The following RNF220 variants were observed in gnomAD, a reference collection of about 807,000 sequenced individuals.
The protein encoded by RNF220 is ring finger protein 220.
Under a neutral mutation model 67.1 loss-of-function variants are expected in RNF220, and 7 were observed. The ratio of observed to expected loss-of-function variants is 0.10; its 90% CI spans 0.06 to 0.20. RNF220 has a LOEUF of 0.20. Among genes scored for constraint, RNF220 ranks in the 10% least tolerant of loss-of-function variants. The pLI is 1.00. For missense variants in RNF220, 565 were observed against 740.3 expected (o/e 0.76, Z 2.75); for synonymous variants, 270 against 283.2 (o/e 0.95, Z 0.47).
Position 44,548,486 on chromosome 1 carries a change from ATTC to A in RNF220, c.626-65673_626-65671del, listed in dbSNP as rs376047290. Among the ~76,000 whole-genome samples the A allele has an allele frequency of 1.9e-3, 290 of 151,412 alleles. 1 individual carries two copies. Among genetic ancestry groups the A allele is most frequent in the African/African-American group, 6.8e-3 (279 of 41,244 alleles). On this transcript the variant is annotated intron_variant, in intron 2 of 14. Transcript: ENST00000361799. The stretch of plus-strand genomic sequence containing the variant: ...TCATTCAGCCTCTGGTACTCTCCCA[ATTC>A]TTCTTTTCTTTTTTTTTCTTTTTAG...
chr1:44,449,796 T>C (rs950388217), intron 2 of RNF220, among the ~76,000 whole-genome samples: 8 of 152,188 alleles, frequency 5.3e-5, no homozygotes, highest in Admixed American at 5.2e-4. Context: ...AACACATTGC[T>C]AGGTACTGAA....
chr1:44,550,383 A>G (rs544192407), intron 2 of RNF220, among the ~76,000 whole-genome samples: 2 of 152,298 alleles, frequency 1.3e-5, no homozygotes, highest in African/African-American at 2.4e-5. Flanking sequence ...GCTGCACATT[A>G]GCTGGGAAGG....
rs1267318051 is a variant in RNF220 at position 44,624,035 on chromosome 1, T to C, written c.804+1248T>C. On this transcript the variant is annotated intron_variant, in intron 4 of 14. Coordinates refer to ENST00000361799, the MANE Select transcript of RNF220 (RefSeq NM_018150.4). The surrounding 1 kb of genome is among the most constrained non-coding windows in gnomAD (Gnocchi z 4.2). ...TTCAAAGGTATAGGAATGGATCGTG[T>C]ACCTTCGTTTAGAAAACTGCTCACC... Among the ~76,000 whole-genome samples the C allele has an allele frequency of 6.6e-6, 1 of 152,232 alleles. No individual in the cohort carries two copies. The highest frequency in any genetic ancestry group is 1.5e-5 in the Non-Finnish European group (1 of 68,040).
At chr1:44,629,531 A>T (rs2148466227) in intron 5 of RNF220, among the ~76,000 whole-genome samples, 1 of 152,262 alleles carries the variant, frequency 6.6e-6, no homozygotes, top group Non-Finnish European at 1.5e-5. Context: ...GAGTGCTATG[A>T]CAGGAGTATA....
At chr1:44,601,238 A>T (rs1666896328) in intron 2 of RNF220, among the ~76,000 whole-genome samples, 1 of 152,184 alleles carries the variant, frequency 6.6e-6, no homozygotes, top group African/African-American at 2.4e-5. Context: ...AATGGTGGGG[A>T]TGAAACTCAG....
chr1:44,467,887 T>C lies in RNF220; in HGVS notation c.625+55165T>C, dbSNP rs148284617. Among the ~76,000 whole-genome samples the C allele has an allele frequency of 4.1e-3, 621 of 152,226 alleles. 11 individuals carry two copies. In the South Asian group the frequency reaches 0.042, roughly 10 times the overall value. On this transcript the variant is annotated intron_variant, in intron 2 of 14. Coordinates refer to ENST00000361799, the MANE Select transcript of RNF220 (RefSeq NM_018150.4). The stretch of plus-strand genomic sequence containing the variant: ...TGTGGCTCTTTCTTTCACTTGAACA[T>C]TGAGAGGTCCTTGTAGGGTTATTAA...
At chr1:44,572,670 T>G (rs950086305) in intron 2 of RNF220, among the ~76,000 whole-genome samples, 2 of 151,794 alleles carry the variant, frequency 1.3e-5, no homozygotes, top group Non-Finnish European at 2.9e-5. Flanking sequence ...CCCAGGCAGG[T>G]CTTCTCTGGC....
intron 2 of RNF220, among the ~76,000 whole-genome samples, chr1:44,426,781 T>G (rs1649829409): frequency 6.6e-6 from 1 of 151,484 alleles, no homozygotes; most frequent in Non-Finnish European, 1.5e-5. Context: ...TGCGGTAAAC[T>G]TCATTGTGTG....
chr1:44,551,520 G>A (rs986029364), intron 2 of RNF220, among the ~76,000 whole-genome samples: 4 of 152,058 alleles, frequency 2.6e-5, no homozygotes, highest in Non-Finnish European at 5.9e-5. Context: ...TGGGTCAAAA[G>A]GTATAAACTT....
chr1:44,644,795 G>A lies in RNF220; in HGVS notation c.1223+1G>A. ...ACACTCTGGAGTATGGGAAGCCACA[G>A]TATCCTTGGAGCACTATGGGGGCTG... On this transcript the variant is annotated splice_donor_variant, in intron 9 of 14. Coordinates refer to ENST00000361799, the MANE Select transcript of RNF220 (RefSeq NM_018150.4). LOFTEE classifies it high-confidence loss of function. 1 of 1,612,664 alleles carries A rather than the reference G, an allele frequency of 6.2e-7. No homozygotes were observed. The highest frequency in any genetic ancestry group is 8.5e-7 in the Non-Finnish European group (1 of 1,178,630).
Position 44,610,961 on chromosome 1 carries a change from A to G in RNF220, c.626-3204A>G, listed in dbSNP as rs554575408. On this transcript the variant is annotated intron_variant, in intron 2 of 14. Coordinates refer to ENST00000361799, the MANE Select transcript of RNF220 (RefSeq NM_018150.4). ...ATGGCCCAGGTCAAAAGCTTCAGGG[A>G]GCTGTATTCTGGGAATTATGCAAAC... Among the ~76,000 whole-genome samples, 4 of 152,220 alleles carry G rather than the reference A, an allele frequency of 2.6e-5. No individual in the cohort carries two copies. In the East Asian group the frequency reaches 7.7e-4, roughly 29 times the overall value.
At chr1:44,592,141 C>G (rs914651820) in intron 2 of RNF220, among the ~76,000 whole-genome samples, 1 of 151,958 alleles carries the variant, frequency 6.6e-6, no homozygotes. Flanking sequence ...GACCAACAGA[C>G]AGAGAGAGAG....
intron 2 of RNF220, among the ~76,000 whole-genome samples, chr1:44,579,930 T>A (rs1414980187): frequency 6.9e-6 from 1 of 144,542 alleles, no homozygotes; most frequent in Admixed American, 7.4e-5. Context: ...ACTGGGAGGC[T>A]AAGGTGAGAG....
At chr1:44,437,283 G>T (rs573876162) in intron 2 of RNF220, among the ~76,000 whole-genome samples, 1 of 152,348 alleles carries the variant, frequency 6.6e-6, no homozygotes, top group East Asian at 1.9e-4. Context: ...TCTGAGCCAA[G>T]CCGCTAAAAT....
intron 8 of RNF220, among the ~76,000 whole-genome samples, chr1:44,641,594 G>A (rs1196236668): frequency 6.6e-6 from 1 of 152,218 alleles, no homozygotes; most frequent in African/African-American, 2.4e-5. Flanking sequence ...CAAGCTGGCG[G>A]GGGCGCTGTC....
intron 12 of RNF220, among the ~76,000 whole-genome samples, chr1:44,646,653 G>C (rs374297262): frequency 6.6e-6 from 1 of 152,232 alleles, no homozygotes; most frequent in Non-Finnish European, 1.5e-5. Context: ...TGGCGCCCGA[G>C]GGGGAGGTGG....
At chr1:44,496,013 G>T (rs1657315150) in intron 2 of RNF220, among the ~76,000 whole-genome samples, 1 of 152,212 alleles carries the variant, frequency 6.6e-6, no homozygotes, top group Non-Finnish European at 1.5e-5. Context: ...TATATGCCTT[G>T]CTAAGAAGCT....
At chr1:44,485,812 A>T (rs546987973) in intron 2 of RNF220, among the ~76,000 whole-genome samples, 213 of 152,308 alleles carry the variant, frequency 1.4e-3, no homozygotes, top group African/African-American at 4.8e-3. Flanking sequence ...GGGAGTTAGC[A>T]TATGCAGGCA....
intron 2 of RNF220, among the ~76,000 whole-genome samples, chr1:44,514,899 C>T (rs1025078491): frequency 6.6e-6 from 1 of 152,208 alleles, no homozygotes; most frequent in South Asian, 2.1e-4. Flanking sequence ...AAGATTGGCA[C>T]GTCCAGCAGG....
Sources: gnomAD v4.1 joint callset for allele counts (sites outside exome capture counted in the v4.1 genomes callset) on GRCh38, gnomAD v4.1.1 for gene constraint, Gnocchi (gnomAD v3.1) non-coding constraint, MANE v1.5 for transcripts, NCBI Gene and HGNC (gene_info 2026-07-23, HGNC 2026-07-21) for gene names.